ADAM32: variants seen among roughly 807,000 people sequenced by gnomAD.
The protein encoded by ADAM32 is ADAM metallopeptidase domain 32.
ADAM32 carries 89 observed loss-of-function variants against 114.9 expected under a neutral mutation model. That is an observed-to-expected ratio of 0.77 (90% CI 0.65 to 0.92). The LOEUF (loss-of-function observed/expected upper bound fraction) is 0.92. Ranked by LOEUF, ADAM32 falls within the 40% of genes least tolerant of loss-of-function variation. The pLI is 0.00. For missense variants in ADAM32, 870 were observed against 932.8 expected (o/e 0.93, Z 0.88); for synonymous variants, 285 against 307.5 (o/e 0.93, Z 0.77).
chr8:39,233,952 A>G lies in ADAM32; in HGVS notation c.1688A>G (p.His563Arg). The change falls in exon 16 of 25, where the codon CAT becomes CGT. Residue 563 changes from histidine (H) to arginine (R), a missense_variant. Transcript: ENST00000379907. Reference protein sequence around the residue: ...VCTYPTRKPFHQENGDVIYAF... With the variant: ...VCTYPTRKPFRQENGDVIYAF... Reference sequence around the variant, plus strand: ...ACCTACCCTACTCGAAAGCCTTTCCATCAAGAAAATGGTGATGTGATTTAT... The same window carrying G: ...ACCTACCCTACTCGAAAGCCTTTCCGTCAAGAAAATGGTGATGTGATTTAT... 2.5e-6 allele frequency: 4 copies of G among 1,592,692 alleles called. No individual in the cohort carries two copies. Among genetic ancestry groups the G allele is most frequent in the Non-Finnish European group, 3.4e-6 (4 of 1,168,924 alleles).
intron 17 of ADAM32, 79 bp downstream of exon 17, chr8:39,246,245 G>A: frequency 7.5e-7 from 1 of 1,328,862 alleles, no homozygotes; most frequent in Non-Finnish European, 1.1e-6. Flanking sequence ...GACATTTTTT[G>A]GGTCACTACC....
In ADAM32 at chr8:39,150,582, G is replaced by A. The variant is rs940268673; in HGVS notation, c.353+715G>A. 6.6e-5 allele frequency among the ~76,000 whole-genome samples: 10 copies of A among 152,096 alleles called. No homozygotes were observed. In the East Asian group the frequency reaches 1.2e-3, roughly 18 times the overall value. On this transcript the variant is annotated intron_variant, in intron 5 of 24. Coordinates refer to ENST00000379907, the MANE Select transcript of ADAM32 (RefSeq NM_145004.7). The stretch of plus-strand genomic sequence containing the variant: ...AAGAATTACTGGGTTTCCTCCTTAC[G>A]GCTTAGGGAGTTTTCCATTCTGTCA...
chr8:39,112,314 T>A (rs1179400994), intron 1 of ADAM32, among the ~76,000 whole-genome samples: 2 of 152,212 alleles, frequency 1.3e-5, no homozygotes, highest in Non-Finnish European at 2.9e-5. Context: ...TGGATATTAA[T>A]CATTTTATTT....
intron 3 of ADAM32, 109 bp downstream of exon 3, chr8:39,136,827 A>G (rs2129445039): frequency 1.3e-6 from 1 of 787,620 alleles, no homozygotes; most frequent in East Asian, 3.2e-5. Flanking sequence ...AACTTTTTTA[A>G]TTGTCTTAAG....
chr8:39,191,224 G>A (rs1167044506), intron 11 of ADAM32, among the ~76,000 whole-genome samples: 1 of 152,170 alleles, frequency 6.6e-6, no homozygotes, highest in African/African-American at 2.4e-5. Flanking sequence ...ATACATGCGT[G>A]AGTCTTTATG....
At chr8:39,204,340 G>GT (rs1401961331) in intron 11 of ADAM32, among the ~76,000 whole-genome samples, 15 of 152,182 alleles carry the variant, frequency 9.9e-5, no homozygotes, top group South Asian at 2.1e-4. Context: ...TCTTTTCACT[G>GT]TTTTTTCTCT....
chr8:39,117,120 G>A (rs1840411071), intron 1 of ADAM32, among the ~76,000 whole-genome samples: 2 of 152,108 alleles, frequency 1.3e-5, no homozygotes, highest in African/African-American at 2.4e-5. Context: ...CTGACCTTGT[G>A]ATCCACCTGC....
chr8:39,255,834 T>C (rs1811617921), intron 18 of ADAM32, among the ~76,000 whole-genome samples: 1 of 152,092 alleles, frequency 6.6e-6, no homozygotes, highest in Admixed American at 6.6e-5. Flanking sequence ...CCTGATGTTA[T>C]ATTCTAGAAT....
Position 39,274,304 on chromosome 8 carries a change from T to C in ADAM32, c.2202-8T>C. 1 of 1,613,292 alleles carries C rather than the reference T, an allele frequency of 6.2e-7. No individual in the cohort carries two copies. The highest frequency in any genetic ancestry group is 8.5e-7 in the Non-Finnish European group (1 of 1,179,560). On this transcript the variant is annotated splice_polypyrimidine_tract_variant and splice_region_variant and intron_variant, in intron 20 of 24. Transcript: ENST00000379907. ...TAACTTGAGACATTGCTTTCAATTTTTTTTTAGATCCAGCTCAGAAGGCAG... is the reference window on the plus strand; with the variant it reads ...TAACTTGAGACATTGCTTTCAATTTCTTTTTAGATCCAGCTCAGAAGGCAG...
At chr8:39,255,108 T>C (rs979797298) in intron 18 of ADAM32, among the ~76,000 whole-genome samples, 1 of 151,960 alleles carries the variant, frequency 6.6e-6, no homozygotes, top group Non-Finnish European at 1.5e-5. Flanking sequence ...ACACTTTCTT[T>C]ATTCACTCAC....
chr8:39,263,003 G>C (rs1292623312), intron 19 of ADAM32, among the ~76,000 whole-genome samples: 3 of 152,160 alleles, frequency 2.0e-5, no homozygotes, highest in Admixed American at 2.0e-4. Context: ...ACCAGGCTTG[G>C]TGAGGTGTTC....
intron 3 of ADAM32, among the ~76,000 whole-genome samples, chr8:39,144,225 G>C (rs1470921063): frequency 6.6e-6 from 1 of 152,174 alleles, no homozygotes; most frequent in Admixed American, 6.5e-5. Flanking sequence ...TCCGTGGGCT[G>C]TACCCACTGT....
At chr8:39,135,688 A>G (rs1434902694) in intron 2 of ADAM32, among the ~76,000 whole-genome samples, 2 of 152,110 alleles carry the variant, frequency 1.3e-5, no homozygotes, top group Non-Finnish European at 2.9e-5. Context: ...TCTGTTTCTC[A>G]GTCTTTCCTT....
intron 2 of ADAM32, among the ~76,000 whole-genome samples, chr8:39,123,057 G>GT (rs1054003528): frequency 1.1e-4 from 17 of 151,900 alleles, no homozygotes; most frequent in Middle Eastern, 3.2e-3. Context: ...TATAAGTTCA[G>GT]TTTTTTTTGC....
chr8:39,132,409 G>A (rs1160015243), intron 2 of ADAM32, among the ~76,000 whole-genome samples: 1 of 152,018 alleles, frequency 6.6e-6, no homozygotes, highest in Non-Finnish European at 1.5e-5. Context: ...CTTATTTCTG[G>A]TAAAATATAG....
At chr8:39,244,800 T>A (rs940041267) in intron 16 of ADAM32, among the ~76,000 whole-genome samples, 1 of 152,128 alleles carries the variant, frequency 6.6e-6, no homozygotes, top group Non-Finnish European at 1.5e-5. Context: ...TGTATACATA[T>A]GTAACAAACC....
chr8:39,123,623 G>C (rs951455618), intron 2 of ADAM32, among the ~76,000 whole-genome samples: 2 of 151,620 alleles, frequency 1.3e-5, no homozygotes, highest in Non-Finnish European at 1.5e-5. Flanking sequence ...AATATTGAGT[G>C]CTCTGATCTA....
At chr8:39,127,608 A>AT (rs1179910025) in intron 2 of ADAM32, among the ~76,000 whole-genome samples, 2 of 151,108 alleles carry the variant, frequency 1.3e-5, no homozygotes, top group Non-Finnish European at 3.0e-5. Context: ...CTATATTATT[A>AT]TTTTTTTCCC....
chr8:39,258,115 G>T (rs1811775910), intron 19 of ADAM32, among the ~76,000 whole-genome samples: 2 of 150,960 alleles, frequency 1.3e-5, no homozygotes, highest in Non-Finnish European at 3.0e-5. Context: ...TTTCAATTTT[G>T]GTTTGTTTGT....
Sources: gnomAD v4.1 joint callset for allele counts (sites outside exome capture counted in the v4.1 genomes callset) on GRCh38, gnomAD v4.1.1 for gene constraint, MANE v1.5 for transcripts, NCBI Gene and HGNC (gene_info 2026-07-23, HGNC 2026-07-21) for gene names.